SH3PXD2B: variants seen among roughly 807,000 people sequenced by gnomAD.
The protein encoded by SH3PXD2B is SH3 and PX domain-containing protein 2B.
In SH3PXD2B, 37 loss-of-function variants were observed where a neutral mutation model predicts 73.1. That is an observed-to-expected ratio of 0.51 (90% CI 0.39 to 0.67). The LOEUF (loss-of-function observed/expected upper bound fraction) is 0.67, where lower values mean the gene tolerates loss of function less well. Among genes scored for constraint, SH3PXD2B ranks in the 30% least tolerant of loss-of-function variants. The pLI is 0.00. For synonymous variants in SH3PXD2B, 457 were observed against 480.5 expected, an observed-to-expected ratio of 0.95 and a Z score of 0.64; for missense variants, 1,053 against 1,197.8, an observed-to-expected ratio of 0.88 and a Z score of 1.78.
At chr5:172,439,915 C>A (rs2113503083) in intron 1 of SH3PXD2B, among the ~76,000 whole-genome samples, 1 of 152,346 alleles carries the variant, frequency 6.6e-6, no homozygotes, top group African/African-American at 2.4e-5. Context: ...TGGCTGCCAG[C>A]TCACGCACTG....
At position 172,333,563 on chromosome 5, in the gene SH3PXD2B, T is replaced by G. The variant is rs1581254676; in HGVS notation, c.*4806A>C. 1.7e-6 allele frequency: 2 copies of G among 1,168,142 alleles called. No homozygotes were observed. The highest frequency in any genetic ancestry group is 2.1e-6 in the Non-Finnish European group (2 of 935,402). 72.4% of individuals were successfully genotyped at this position (1,168,142 alleles called of 1,614,324 possible). ...TTTAAAAAAAAAAAAAGGAAAGAAG[T>G]CAAATGGTAAAGTATATAGCCTACA... On this transcript the variant is annotated 3_prime_UTR_variant, in exon 13 of 13. Transcript: ENST00000311601.
intron 4 of SH3PXD2B, among the ~76,000 whole-genome samples, chr5:172,389,261 G>T (rs1758124652): frequency 6.6e-6 from 1 of 151,622 alleles, no homozygotes; most frequent in Admixed American, 6.6e-5. Flanking sequence ...TCACCACATT[G>T]GTCAGGCTGG....
At position 172,414,321 on chromosome 5, in the gene SH3PXD2B, T is replaced by C. The variant is rs556926654; in HGVS notation, c.157-7969A>G. 2.6e-4 allele frequency among the ~76,000 whole-genome samples: 40 copies of C among 151,674 alleles called. 1 individual carries two copies. The highest frequency in any genetic ancestry group is 9.2e-4 in the African/African-American group (38 of 41,320). ...CCATCTCTACTAAAAATACAAAAAT[T>C]AGCCGGGCATGGTAGCGCGTGCCTG... is the stretch of plus-strand genomic sequence containing the variant. On this transcript the variant is annotated intron_variant, in intron 2 of 12. Transcript: ENST00000311601.
At position 172,333,802 on chromosome 5, in the gene SH3PXD2B, G is replaced by C. The variant is rs140283769; in HGVS notation, c.*4567C>G. ...GAGGTAAGAAATGGCCTGTTACTTGGAAGCTCCCCAAAGCAGGAAATGTGG... is the reference window on the plus strand; with the variant it reads ...GAGGTAAGAAATGGCCTGTTACTTGCAAGCTCCCCAAAGCAGGAAATGTGG... On this transcript the variant is annotated 3_prime_UTR_variant, in exon 13 of 13. Coordinates refer to ENST00000311601, the MANE Select transcript of SH3PXD2B (RefSeq NM_001017995.3). 7.8e-6 allele frequency: 10 copies of C among 1,289,082 alleles called. No homozygotes were observed. Among genetic ancestry groups the C allele is most frequent in the Non-Finnish European group, 1.0e-5 (10 of 988,682 alleles). The allele number at this position is 1,289,082 out of a possible 1,614,324, so 79.9% of individuals were successfully genotyped here.
chr5:172,402,092 T>C (rs1320024356), intron 3 of SH3PXD2B, among the ~76,000 whole-genome samples: 1 of 152,206 alleles, frequency 6.6e-6, no homozygotes, highest in Non-Finnish European at 1.5e-5. Flanking sequence ...ATCGCTGAAT[T>C]CTTTTTCTCA....
intron 10 of SH3PXD2B, among the ~76,000 whole-genome samples, chr5:172,349,850 C>CT (rs1436202402): frequency 1.2e-4 from 18 of 151,282 alleles, no homozygotes; most frequent in African/African-American, 2.7e-4. Flanking sequence ...AACGCCTCCC[C>CT]TTTTTTTTTC....
In SH3PXD2B at chr5:172,373,580, G is replaced by GCATCCATC. The variant is rs10625047; in HGVS notation, c.427+202_427+209dup. On this transcript the variant is annotated intron_variant, in intron 6 of 12. Transcript: ENST00000311601. Reference sequence around the variant, plus strand: ...GATGGGGTATCAACCAATCAATCAAGCATCCATCCATCCATCCATCCATCC... The same window carrying GCATCCATC: ...GATGGGGTATCAACCAATCAATCAAGCATCCATCCATCCATCCATCCATCCATCCATCC... Among the ~76,000 whole-genome samples the GCATCCATC allele has an allele frequency of 0.028, 4,073 of 147,756 alleles. 88 individuals carry two copies. The highest frequency in any genetic ancestry group is 0.061 in the South Asian group (278 of 4,538).
chr5:172,425,896 C>A (rs1470171392), intron 1 of SH3PXD2B, among the ~76,000 whole-genome samples: 1 of 152,088 alleles, frequency 6.6e-6, no homozygotes, highest in African/African-American at 2.4e-5. Context: ...GCTGCACCTG[C>A]CAGATGGGTA....
chr5:172,388,347 A>G (rs1377699812), intron 4 of SH3PXD2B, among the ~76,000 whole-genome samples: 1 of 152,226 alleles, frequency 6.6e-6, no homozygotes, highest in East Asian at 1.9e-4. Context: ...TGTCAGTAAC[A>G]GATACCCAAA....
intron 2 of SH3PXD2B, among the ~76,000 whole-genome samples, chr5:172,412,467 A>G (rs568772020): frequency 6.6e-6 from 1 of 152,244 alleles, no homozygotes; most frequent in Non-Finnish European, 1.5e-5. Flanking sequence ...GACTATCACA[A>G]TATCCTCCTA....
chr5:172,390,456 C>A (rs186440485), intron 4 of SH3PXD2B, among the ~76,000 whole-genome samples: 9 of 152,228 alleles, frequency 5.9e-5, no homozygotes, highest in African/African-American at 4.8e-5. Flanking sequence ...ACTATCAAGG[C>A]TCATGGCAGC....
chr5:172,368,020 C>T (rs1208357749), intron 6 of SH3PXD2B, among the ~76,000 whole-genome samples: 2 of 152,186 alleles, frequency 1.3e-5, no homozygotes, highest in African/African-American at 2.4e-5. Flanking sequence ...CTGCTACTTG[C>T]AGTCAAACCT....
intron 7 of SH3PXD2B, among the ~76,000 whole-genome samples, chr5:172,361,495 C>T (rs1757403282): frequency 6.6e-6 from 1 of 152,194 alleles, no homozygotes; most frequent in African/African-American, 2.4e-5. Context: ...CTGGCCCCCA[C>T]ACTTCTTCCC....
Position 172,333,861 on chromosome 5 carries a change from C to A in SH3PXD2B, c.*4508G>T, listed in dbSNP as rs937425905. 1.6e-6 allele frequency: 2 copies of A among 1,282,436 alleles called. No homozygotes were observed. The highest frequency in any genetic ancestry group is 2.0e-6 in the Non-Finnish European group (2 of 987,206). 79.4% of individuals were successfully genotyped at this position (1,282,436 alleles called of 1,614,324 possible). On this transcript the variant is annotated 3_prime_UTR_variant, in exon 13 of 13. Transcript: ENST00000311601. ...CAAGGTGGCCACAGTTTATCATCAC[C>A]CCTCTAAGTGAAAGGGGCGCTAACA...
chr5:172,426,108 A>G (rs1759091279), intron 1 of SH3PXD2B, among the ~76,000 whole-genome samples: 1 of 152,240 alleles, frequency 6.6e-6, no homozygotes, highest in Non-Finnish European at 1.5e-5. Context: ...TACACAATTC[A>G]TCCTTGATCT....
chr5:172,355,179 T>C (rs772811332), intron 8 of SH3PXD2B, among the ~76,000 whole-genome samples: 3 of 152,246 alleles, frequency 2.0e-5, no homozygotes, highest in East Asian at 1.9e-4. Context: ...GCTATCTCTT[T>C]GGGAAAATAC....
In SH3PXD2B at chr5:172,411,766, G is replaced by T. The variant is rs533180165; in HGVS notation, c.157-5414C>A. ...ATATGTTATTTTGAAAGTTATTTGG[G>T]GATAACTTTTAGTAGTCTGTAAGGC... On this transcript the variant is annotated intron_variant, in intron 2 of 12. Coordinates refer to ENST00000311601, the MANE Select transcript of SH3PXD2B (RefSeq NM_001017995.3). Among the ~76,000 whole-genome samples, 150 of 151,970 alleles carry T rather than the reference G, an allele frequency of 9.9e-4. 1 individual carries two copies. Among genetic ancestry groups the T allele is most frequent in the African/African-American group, 3.6e-3 (148 of 41,456 alleles).
intron 1 of SH3PXD2B, among the ~76,000 whole-genome samples, chr5:172,424,703 A>G (rs2113469125): frequency 6.6e-6 from 1 of 152,328 alleles, no homozygotes; most frequent in South Asian, 2.1e-4. Flanking sequence ...AACATGGCAG[A>G]AATGGGGGAG....
intron 2 of SH3PXD2B, among the ~76,000 whole-genome samples, chr5:172,416,342 T>TTC (rs1243053088): frequency 2.0e-5 from 3 of 151,528 alleles, no homozygotes; most frequent in African/African-American, 7.3e-5. Context: ...TTTTTTTTTT[T>TTC]TTTGAGACGG....
Sources: gnomAD v4.1 joint callset for allele counts (sites outside exome capture counted in the v4.1 genomes callset) on GRCh38, gnomAD v4.1.1 for gene constraint, MANE v1.5 for transcripts, NCBI Gene and HGNC (gene_info 2026-07-23, HGNC 2026-07-21) for gene names.